The following UTRN variants were observed in gnomAD, a reference collection of about 807,000 sequenced individuals.
UTRN encodes dystrophin-related protein 1.
A neutral mutation model predicts 463.9 loss-of-function variants in UTRN; 283 were observed. That is an observed-to-expected ratio of 0.61 (90% CI 0.55 to 0.67). The LOEUF (loss-of-function observed/expected upper bound fraction) is 0.67. UTRN is among the 30% of genes least tolerant of loss of function. The pLI, the probability that UTRN is intolerant of heterozygous loss-of-function variation, is 0.00. For missense variants in UTRN, 3,922 were observed against 4,084.3 expected, an observed-to-expected ratio of 0.96 and a Z score of 1.08; for synonymous variants, 1,442 against 1,431.5, an observed-to-expected ratio of 1.01 and a Z score of -0.17.
intron 73 of UTRN, among the ~76,000 whole-genome samples, chr6:144,842,801 C>A (rs114462971): frequency 0.021 from 3,223 of 151,822 alleles, 114 homozygotes; most frequent in African/African-American, 0.074. Flanking sequence ...AGTCTCCACA[C>A]CCACCTCCCC....
Position 144,414,231 on chromosome 6 carries a change from G to T in UTRN, c.142-7647G>T, listed in dbSNP as rs560586937. ...CATAGGAGATGACAGCTCCATGTAT[G>T]TTATTGCCCCTGAAGACCTTCCAGT... is the stretch of plus-strand genomic sequence containing the variant. On this transcript the variant is annotated intron_variant, in intron 3 of 74. Transcript: ENST00000367545. Among the ~76,000 whole-genome samples, 12 of 152,270 alleles carry T rather than the reference G, an allele frequency of 7.9e-5. No homozygotes were observed. The East Asian group carries it at 2.3e-3, about 29-fold the overall frequency.
Position 144,510,926 on chromosome 6 carries a change from G to T in UTRN, c.4765-18G>T. On this transcript the variant is annotated intron_variant, in intron 34 of 74. Coordinates refer to ENST00000367545, the MANE Select transcript of UTRN (RefSeq NM_007124.3). ...TATTCTGAAGCATCAAGTAGGTCTT[G>T]GTGTTTTTATTTTCTAGAATGTTCT... 6.5e-7 allele frequency: 1 copy of T among 1,540,328 alleles called. No individual in the cohort carries two copies.
chr6:144,766,744 G>T (rs556633665), intron 58 of UTRN, among the ~76,000 whole-genome samples: 2 of 152,002 alleles, frequency 1.3e-5, no homozygotes, highest in Non-Finnish European at 2.9e-5. Context: ...GTGAAGGAGA[G>T]AAAAAAGGTG....
intron 2 of UTRN, among the ~76,000 whole-genome samples, chr6:144,384,924 A>G (rs1369093128): frequency 1.3e-5 from 2 of 152,102 alleles, no homozygotes; most frequent in Admixed American, 1.3e-4. Flanking sequence ...ATATCATTGC[A>G]TATGCTTTTT....
In UTRN at chr6:144,459,317, A is replaced by G; in HGVS notation, c.2670A>G (p.Gln890=). Residue 890 remains glutamine (Q), a synonymous_variant, in exon 21 of 75, where the codon CAA becomes CAG. Transcript: ENST00000367545. The stretch of plus-strand genomic sequence containing the variant: ...TTCTGGGCCGCTACCAAGCTGTACA[A>G]GAGGCTGTAGAGGATCGTCAACAAC... The part of the protein sequence containing the change: ...DSFLGRYQAV[Q]EAVEDRQQHL... 1.2e-6 allele frequency: 2 copies of G among 1,609,860 alleles called. No homozygotes were observed. Among genetic ancestry groups the G allele is most frequent in the Non-Finnish European group, 1.7e-6 (2 of 1,178,856 alleles).
chr6:144,494,098 AT>A (rs756669817), intron 33 of UTRN, among the ~76,000 whole-genome samples: 3 of 152,208 alleles, frequency 2.0e-5, no homozygotes, highest in Non-Finnish European at 2.9e-5. Context: ...ACTACAAGTA[AT>A]ATATGTTCAT....
At chr6:144,287,962 A>G (rs564313395) in intron 1 of UTRN, among the ~76,000 whole-genome samples, 1 of 152,310 alleles carries the variant, frequency 6.6e-6, no homozygotes, top group South Asian at 2.1e-4. Flanking sequence ...CCTCCATTTT[A>G]TAGGTGTGGA....
rs1398743388 is a variant in UTRN at position 144,303,286 on chromosome 6, TAGTAAC to T, written c.79+11384_79+11389del. On this transcript the variant is annotated intron_variant, in intron 2 of 74. Transcript: ENST00000367545. The stretch of plus-strand genomic sequence containing the variant: ...CTTCGCCTTTGTGGGATTTGTTAGT[TAGTAAC>T]AGTATGTTTAAAGCCTCTAGGTAAA... Among the ~76,000 whole-genome samples the T allele has an allele frequency of 3.3e-5, 5 of 152,338 alleles. No homozygotes were observed. The East Asian group carries it at 7.7e-4, about 24-fold the overall frequency.
intron 2 of UTRN, among the ~76,000 whole-genome samples, chr6:144,378,071 G>C: frequency 6.6e-6 from 1 of 152,108 alleles, no homozygotes. Context: ...TCTTTTTAAT[G>C]TTTCTAGAAG....
At chr6:144,599,688 T>C (rs1260190138) in intron 51 of UTRN, among the ~76,000 whole-genome samples, 1 of 152,196 alleles carries the variant, frequency 6.6e-6, no homozygotes, top group African/African-American at 2.4e-5. Context: ...TAAAATGTAG[T>C]AGAAAGGAAG....
At chr6:144,744,320 A>G (rs12173411) in intron 54 of UTRN, among the ~76,000 whole-genome samples, 18,849 of 95,238 alleles carry the variant, frequency 0.2, 2,026 homozygotes, top group East Asian at 0.66. Flanking sequence ...ATATATATAT[A>G]TGTGTGTGTG....
chr6:144,676,777 A>G (rs548556784), intron 51 of UTRN, among the ~76,000 whole-genome samples: 4 of 152,314 alleles, frequency 2.6e-5, no homozygotes, highest in Middle Eastern at 3.4e-3. Flanking sequence ...TTCTTTTAAC[A>G]TTTTAGAAAT....
intron 34 of UTRN, among the ~76,000 whole-genome samples, chr6:144,501,240 G>A (rs953027701): frequency 3.9e-5 from 6 of 152,178 alleles, no homozygotes; most frequent in African/African-American, 1.4e-4. Context: ...GTGTGTTGTG[G>A]TTGAATGCAA....
chr6:144,317,387 A>G (rs1200292684), intron 2 of UTRN, among the ~76,000 whole-genome samples: 1 of 152,104 alleles, frequency 6.6e-6, no homozygotes, highest in Non-Finnish European at 1.5e-5. Flanking sequence ...AAACATTCCA[A>G]TCTGATATAT....
intron 65 of UTRN, among the ~76,000 whole-genome samples, chr6:144,819,908 CCTCCTCT>C (rs1250439088): frequency 5.9e-5 from 7 of 118,016 alleles, no homozygotes; most frequent in African/African-American, 2.2e-4. Flanking sequence ...TCCTCCTCCT[CCTCCTCT>C]CTCTCTCTCT....
intron 45 of UTRN, among the ~76,000 whole-genome samples, chr6:144,540,842 C>T (rs1339079798): frequency 1.3e-5 from 2 of 152,296 alleles, no homozygotes; most frequent in African/African-American, 4.8e-5. Flanking sequence ...ATTGGATAGC[C>T]AGATGGCTAT....
At chr6:144,563,641 G>C (rs1800128111) in intron 50 of UTRN, among the ~76,000 whole-genome samples, 1 of 152,084 alleles carries the variant, frequency 6.6e-6, no homozygotes, top group African/African-American at 2.4e-5. Flanking sequence ...TTCTTTCCCT[G>C]AAAATCACCT....
intron 53 of UTRN, among the ~76,000 whole-genome samples, chr6:144,715,813 G>C (rs1238316387): frequency 6.8e-6 from 1 of 147,248 alleles, no homozygotes; most frequent in Non-Finnish European, 1.5e-5. Flanking sequence ...CTCGATAAAA[G>C]TTGAATGTTG....
rs1451534201 is a variant in UTRN at position 144,732,275 on chromosome 6, T to TAC, written c.7939+1790_7939+1791insCA. 6.8e-4 allele frequency among the ~76,000 whole-genome samples: 58 copies of TAC among 85,694 alleles called. No individual in the cohort carries two copies. In the Middle Eastern group the frequency reaches 0.018, roughly 27 times the overall value. 56.2% of individuals were successfully genotyped at this position (85,694 alleles called of 152,430 possible). A position where few individuals can be genotyped will look rare whatever the true frequency, so the allele number is the denominator to read the frequency against. ...ATATATATACACACATATATATATA[T>TAC]ATACACACATATATATATATACACA... On this transcript the variant is annotated intron_variant, in intron 54 of 74. Transcript: ENST00000367545.
Sources: gnomAD v4.1 joint callset for allele counts (sites outside exome capture counted in the v4.1 genomes callset) on GRCh38, gnomAD v4.1.1 for gene constraint, MANE v1.5 for transcripts, NCBI Gene and HGNC (gene_info 2026-07-23, HGNC 2026-07-21) for gene names.